The following FAM120B variants were observed in gnomAD, a reference collection of about 807,000 sequenced individuals.
The protein encoded by FAM120B is constitutive coactivator of peroxisome proliferator-activated receptor gamma.
A neutral mutation model predicts 96.3 loss-of-function variants in FAM120B; 83 were observed. That is an observed-to-expected ratio of 0.86 (90% CI 0.72 to 1.03). The LOEUF (loss-of-function observed/expected upper bound fraction) is 1.03, where lower values mean the gene tolerates loss of function less well. Among genes scored for constraint, FAM120B ranks in the 50% least tolerant of loss-of-function variants. The probability of loss-of-function intolerance (pLI) is 0.00; values close to 1 mark genes in which losing one functional copy is unlikely to be tolerated. For missense variants in FAM120B, 1,027 were observed against 1,121.2 expected (o/e 0.92, Z 1.20); for synonymous variants, 407 against 402.7 (o/e 1.01, Z -0.13).
intron 4 of FAM120B, among the ~76,000 whole-genome samples, chr6:170,332,239 A>G (rs915763045): frequency 6.6e-6 from 1 of 152,256 alleles, no homozygotes; most frequent in Admixed American, 6.5e-5. Flanking sequence ...ACTTGCACTA[A>G]TGCAATATCA....
At chr6:170,298,263 C>G (rs1351424067) in intron 1 of FAM120B, 2 of 152,148 alleles carry the variant, frequency 1.3e-5, no homozygotes, top group Admixed American at 6.5e-5. Context: ...CCCCAATAAA[C>G]AGCCCAAGTA....
chr6:170,388,276 G>C lies in FAM120B; in HGVS notation c.2284-11G>C. The C allele has an allele frequency of 1.2e-6, 2 of 1,612,496 alleles. No individual in the cohort carries two copies. The highest frequency in any genetic ancestry group is 2.2e-5 in the South Asian group (2 of 90,988). On this transcript the variant is annotated splice_polypyrimidine_tract_variant and intron_variant, in intron 6 of 10. Coordinates refer to ENST00000476287, the MANE Select transcript of FAM120B (RefSeq NM_032448.3). ...GTCTTACATTTTTGGTGTGTGTTCTGGTCTCCACAGCCTGATTACATCAAC... is the reference window on the plus strand; with the variant it reads ...GTCTTACATTTTTGGTGTGTGTTCTCGTCTCCACAGCCTGATTACATCAAC...
At position 170,318,218 on chromosome 6, in the gene FAM120B, C is replaced by G; in HGVS notation, c.828C>G (p.Tyr276Ter). ...CAGACCATATATCGAAAGTTCTTTA[C>G]TTGTATCAAGGTGAGAAAAAATTAG... Reference protein sequence around the residue: ...AVSDHISKVLYLYQGEKKLEE... With the variant: ...AVSDHISKVL The change falls in exon 2 of 11, where the codon TAC (tyrosine) becomes TAG (stop). Residue 276 changes from tyrosine (Y) to a stop codon, truncating the protein, a stop_gained. Coordinates refer to ENST00000476287, the MANE Select transcript of FAM120B (RefSeq NM_032448.3). LOFTEE classifies it high-confidence loss of function. 1 of 1,613,796 alleles carries G rather than the reference C, an allele frequency of 6.2e-7. No individual in the cohort carries two copies. Among genetic ancestry groups the G allele is most frequent in the Non-Finnish European group, 8.5e-7 (1 of 1,179,940 alleles).
At chr6:170,340,658 C>A (rs1159669658) in intron 4 of FAM120B, among the ~76,000 whole-genome samples, 1 of 152,120 alleles carries the variant, frequency 6.6e-6, no homozygotes, top group African/African-American at 2.4e-5. Flanking sequence ...AGGCTGATGA[C>A]CTTTGGATGG....
chr6:170,319,752 G>A (rs1477054166), intron 2 of FAM120B, among the ~76,000 whole-genome samples: 1 of 152,232 alleles, frequency 6.6e-6, no homozygotes, highest in East Asian at 1.9e-4. Context: ...CATTGAATAA[G>A]CAAAGACTTG....
intron 1 of FAM120B, among the ~76,000 whole-genome samples, chr6:170,315,017 C>T (rs1784814759): frequency 6.6e-6 from 1 of 152,226 alleles, no homozygotes; most frequent in Non-Finnish European, 1.5e-5. Context: ...CCACAGTGGG[C>T]GTGCGGTGAA....
chr6:170,307,363 T>C lies in FAM120B; in HGVS notation c.-22+521T>C, dbSNP rs373047164. 2.6e-5 allele frequency among the ~76,000 whole-genome samples: 4 copies of C among 152,286 alleles called. No homozygotes were observed. In the East Asian group the frequency reaches 7.7e-4, roughly 29 times the overall value. On this transcript the variant is annotated intron_variant, in intron 1 of 10. Coordinates refer to ENST00000476287, the MANE Select transcript of FAM120B (RefSeq NM_032448.3). ...GGAAAGACAGACAGAAAGACAGGGT[T>C]CCCTGCCAGCAAGGAGTTTGCAGAC...
chr6:170,402,747 C>G (rs1459245409), intron 9 of FAM120B, among the ~76,000 whole-genome samples: 2 of 152,160 alleles, frequency 1.3e-5, no homozygotes, highest in Non-Finnish European at 2.9e-5. Context: ...ATTTGGAACT[C>G]GAAGGAATGT....
At chr6:170,310,774 T>C (rs777838652) in intron 1 of FAM120B, among the ~76,000 whole-genome samples, 16 of 152,224 alleles carry the variant, frequency 1.1e-4, no homozygotes, top group Non-Finnish European at 2.1e-4. Flanking sequence ...TTGATATATG[T>C]GTTACAGCCC....
chr6:170,291,150 C>T (rs926003275), upstream of FAM120B: 5 of 576,584 alleles, frequency 8.7e-6, no homozygotes, highest in East Asian at 3.8e-5. Flanking sequence ...CCTGCCCCCG[C>T]CCCCAGCCCC....
At chr6:170,356,990 A>C (rs1443378502) in intron 5 of FAM120B, among the ~76,000 whole-genome samples, 2 of 152,010 alleles carry the variant, frequency 1.3e-5, no homozygotes, top group East Asian at 3.9e-4. Context: ...CAGCACCCCC[A>C]CCCTGGTGGA....
intron 2 of FAM120B, among the ~76,000 whole-genome samples, chr6:170,322,027 G>A (rs909739633): frequency 6.6e-6 from 1 of 152,192 alleles, no homozygotes; most frequent in African/African-American, 2.4e-5. Context: ...TATTCTCACA[G>A]TAATAAGAAT....
intron 8 of FAM120B, among the ~76,000 whole-genome samples, chr6:170,393,302 G>T (rs998613023): frequency 6.6e-6 from 1 of 152,168 alleles, no homozygotes; most frequent in African/African-American, 2.4e-5. Context: ...CGTGGCGGTT[G>T]TCAGGCCAAA....
rs1339148162 is a variant in FAM120B, at chr6:170,317,874, G to A, written c.484G>A (p.Glu162Lys). The A allele has an allele frequency of 1.9e-6, 3 of 1,614,128 alleles. No homozygotes were observed. Among genetic ancestry groups the A allele is most frequent in the African/African-American group, 1.3e-5 (1 of 74,940 alleles). The change falls in exon 2 of 11, where the codon GAG (glutamate) becomes AAG (lysine). Residue 162 changes from glutamate to lysine, a missense_variant. This residue lies in a region of FAM120B where 880 missense variants were observed against 980.9 expected (regional missense o/e 0.90). Coordinates refer to ENST00000476287, the MANE Select transcript of FAM120B (RefSeq NM_032448.3). Reference sequence around the variant, plus strand: ...GTGTTCTTTGCAGGAAGCAGATTATGAGGTAGCTTCCTATGGCCTCCAGCA... The same window carrying A: ...GTGTTCTTTGCAGGAAGCAGATTATAAGGTAGCTTCCTATGGCCTCCAGCA... ...TLCSLQEADY[E>K]VASYGLQHNC...
intron 2 of FAM120B, among the ~76,000 whole-genome samples, chr6:170,319,986 G>A (rs1366140129): frequency 6.6e-6 from 1 of 152,224 alleles, no homozygotes; most frequent in Non-Finnish European, 1.5e-5. Context: ...CACTACGTGT[G>A]AGGTTCTGTG....
intron 4 of FAM120B, among the ~76,000 whole-genome samples, chr6:170,336,669 GA>G (rs1786445560): frequency 6.6e-6 from 1 of 152,170 alleles, no homozygotes; most frequent in African/African-American, 2.4e-5. Context: ...CATGAGCATG[GA>G]ATGTTTTTCC....
chr6:170,290,796 A>G (rs1783845533), upstream of FAM120B: 3 of 572,700 alleles, frequency 5.2e-6, no homozygotes, highest in African/African-American at 3.9e-5. The surrounding 1 kb of genome is among the most constrained non-coding windows in gnomAD (Gnocchi z 4.7). Flanking sequence ...AATCCAGCCA[A>G]TGCCATCCAG....
rs1361952844 is a variant in FAM120B at position 170,391,990 on chromosome 6, G to A, written c.2599+869G>A. On this transcript the variant is annotated intron_variant, in intron 8 of 10. Transcript: ENST00000476287. ...CCACTACTACATAGCTTGTTCCCCT[G>A]TTTGGAGCTCTGAGGGTATTTCCAT... Among the ~76,000 whole-genome samples the A allele has an allele frequency of 2.6e-5, 4 of 152,062 alleles. No homozygotes were observed. In the South Asian group the frequency reaches 6.2e-4, roughly 24 times the overall value.
intron 1 of FAM120B, among the ~76,000 whole-genome samples, chr6:170,315,250 G>A (rs983156530): frequency 6.6e-6 from 1 of 152,200 alleles, no homozygotes; most frequent in Non-Finnish European, 1.5e-5. Flanking sequence ...AGCAAACCAT[G>A]CAAGGCCTGT....
Sources: gnomAD v4.1 joint callset for allele counts (sites outside exome capture counted in the v4.1 genomes callset) on GRCh38, gnomAD v4.1.1 for gene constraint, gnomAD v4.1.1 regional missense constraint, Gnocchi (gnomAD v3.1) non-coding constraint, MANE v1.5 for transcripts, NCBI Gene and HGNC (gene_info 2026-07-23, HGNC 2026-07-21) for gene names.